Variants in ERC2 observed in about 807,000 individuals in gnomAD.
The protein encoded by ERC2 is ERC protein 2.
A neutral mutation model predicts 114.8 loss-of-function variants in ERC2; 42 were observed. That is an observed-to-expected ratio of 0.37 (90% CI 0.29 to 0.47). ERC2 has a LOEUF of 0.47. Among genes scored for constraint, ERC2 ranks in the 20% least tolerant of loss-of-function variants. The probability of loss-of-function intolerance (pLI) is 0.99; values close to 1 mark genes in which losing one functional copy is unlikely to be tolerated. For missense variants in ERC2, 939 were observed against 1,150.7 expected (o/e 0.82, Z 2.66); for synonymous variants, 454 against 425.5 (o/e 1.07, Z -0.82).
chr3:55,923,056 G>A (rs2065524221), intron 13 of ERC2, among the ~76,000 whole-genome samples: 1 of 152,058 alleles, frequency 6.6e-6, no homozygotes, highest in South Asian at 2.1e-4. Flanking sequence ...TTAAAAGCAG[G>A]GACTTGAACA....
At chr3:55,934,868 T>C (rs1312991848) in intron 13 of ERC2, among the ~76,000 whole-genome samples, 1 of 152,218 alleles carries the variant, frequency 6.6e-6, no homozygotes, top group Non-Finnish European at 1.5e-5. Flanking sequence ...ATTATTTATA[T>C]GATGCTTAAA....
chr3:56,146,100 A>C (rs555086747), intron 5 of ERC2, among the ~76,000 whole-genome samples: 96 of 152,212 alleles, frequency 6.3e-4, no homozygotes, highest in African/African-American at 2.2e-3. Context: ...CAGCCTGACC[A>C]ACATGGTGAA....
intron 12 of ERC2, among the ~76,000 whole-genome samples, chr3:55,979,668 A>G (rs1019708786): frequency 6.6e-6 from 1 of 152,150 alleles, no homozygotes; most frequent in African/African-American, 2.4e-5. Flanking sequence ...GAGAACGTCA[A>G]TCTGCAAGCT....
At chr3:55,732,379 A>C (rs916370712) in intron 15 of ERC2, among the ~76,000 whole-genome samples, 3 of 152,198 alleles carry the variant, frequency 2.0e-5, no homozygotes, top group Non-Finnish European at 4.4e-5. Flanking sequence ...GAAGGAGCCC[A>C]TCCTCTTCCT....
chr3:56,092,549 A>G (rs1183759406), intron 6 of ERC2, among the ~76,000 whole-genome samples: 1 of 152,216 alleles, frequency 6.6e-6, no homozygotes, highest in Non-Finnish European at 1.5e-5. Context: ...TAAAACTTCC[A>G]ACACTAACCT....
chr3:56,068,251 C>G (rs2076571616), intron 7 of ERC2, among the ~76,000 whole-genome samples: 1 of 152,098 alleles, frequency 6.6e-6, no homozygotes, highest in Non-Finnish European at 1.5e-5. Flanking sequence ...TTGACTTCTT[C>G]CTGGTTTAGT....
chr3:55,816,289 T>C (rs1559701613), intron 14 of ERC2, among the ~76,000 whole-genome samples: 1 of 152,196 alleles, frequency 6.6e-6, no homozygotes, highest in Non-Finnish European at 1.5e-5. Flanking sequence ...CTGCTGCATC[T>C]GCTGGCAAGG....
chr3:55,826,357 A>G (rs990421414), intron 14 of ERC2, among the ~76,000 whole-genome samples: 1 of 152,156 alleles, frequency 6.6e-6, no homozygotes, highest in East Asian at 1.9e-4. Context: ...GCTGACCTCT[A>G]TTACTGAGTA....
At chr3:56,079,732 C>T (rs75408708) in intron 7 of ERC2, among the ~76,000 whole-genome samples, 2,896 of 152,060 alleles carry the variant, frequency 0.019, 98 homozygotes, top group African/African-American at 0.067. Flanking sequence ...CAATGGACCC[C>T]CAAAATTATG....
chr3:56,222,721 A>G, intron 3 of ERC2, among the ~76,000 whole-genome samples: 1 of 152,230 alleles, frequency 6.6e-6, no homozygotes, highest in East Asian at 1.9e-4. Context: ...CAAATATTGA[A>G]TAGATGAATG....
rs2107155909 is a variant in ERC2, at chr3:55,515,332, G to T, written c.*40-4056C>A. On this transcript the variant is annotated intron_variant, in intron 17 of 17. Transcript: ENST00000288221. ...GAATATTATTAATATTTATCTCTGG[G>T]TGGTGGTTTTAAACTTTTCCCCTGT... Among the ~76,000 whole-genome samples, 3 of 152,054 alleles carry T rather than the reference G, an allele frequency of 2.0e-5. No homozygotes were observed. The South Asian group carries it at 6.3e-4, about 32-fold the overall frequency.
At chr3:55,666,255 G>C (rs2061352908) in intron 17 of ERC2, among the ~76,000 whole-genome samples, 1 of 152,170 alleles carries the variant, frequency 6.6e-6, no homozygotes. Context: ...GTTCAGATTT[G>C]CTGGGTTCTC....
chr3:56,194,473 A>G (rs2047976745), intron 3 of ERC2, among the ~76,000 whole-genome samples: 1 of 152,172 alleles, frequency 6.6e-6, no homozygotes, highest in Admixed American at 6.5e-5. Context: ...AAAGAAAGCC[A>G]AAGGCATAAA....
At chr3:55,905,670 AC>A (rs2064392609) in intron 13 of ERC2, among the ~76,000 whole-genome samples, 1 of 152,022 alleles carries the variant, frequency 6.6e-6, no homozygotes, top group African/African-American at 2.4e-5. Context: ...TGCAAATAAA[AC>A]CCCAACTCCT....
At chr3:55,952,501 A>C (rs2067651084) in intron 12 of ERC2, among the ~76,000 whole-genome samples, 1 of 152,104 alleles carries the variant, frequency 6.6e-6, no homozygotes. Context: ...TAATTGAATG[A>C]GGACACAGTA....
At chr3:55,578,364 C>T (rs2057092648) in intron 17 of ERC2, among the ~76,000 whole-genome samples, 1 of 152,190 alleles carries the variant, frequency 6.6e-6, no homozygotes, top group African/African-American at 2.4e-5. Context: ...TCGGGGCCTT[C>T]CACACACTTC....
At chr3:56,149,243 A>G in intron 4 of ERC2, 111 bp from the exon 5 acceptor site, 1 of 1,024,134 alleles carries the variant, frequency 9.8e-7, no homozygotes, top group African/African-American at 1.6e-5. Context: ...CATATTAACC[A>G]TGGTATAGAC....
Position 56,357,431 on chromosome 3 carries a change from T to G in ERC2, c.658-60996A>C, listed in dbSNP as rs528863484. Among the ~76,000 whole-genome samples, 72 of 152,300 alleles carry G rather than the reference T, an allele frequency of 4.7e-4. 1 individual carries two copies. The highest frequency in any genetic ancestry group is 1.5e-3 in the African/African-American group (62 of 41,562). On this transcript the variant is annotated intron_variant, in intron 2 of 17. Coordinates refer to ENST00000288221, the MANE Select transcript of ERC2 (RefSeq NM_015576.3). ...TGGCCTGGAACTTGATCCCAGGCAG[T>G]CTGACTTAACAACCACAACTTCCAC...
At chr3:55,938,505 C>G (rs572899171) in intron 13 of ERC2, among the ~76,000 whole-genome samples, 2 of 152,218 alleles carry the variant, frequency 1.3e-5, no homozygotes, top group African/African-American at 4.8e-5. Flanking sequence ...AATAACCTTG[C>G]AAGATGAGTA....
Sources: gnomAD v4.1 joint callset for allele counts (sites outside exome capture counted in the v4.1 genomes callset) on GRCh38, gnomAD v4.1.1 for gene constraint, MANE v1.5 for transcripts, NCBI Gene and HGNC (gene_info 2026-07-23, HGNC 2026-07-21) for gene names.